The following LINGO2 variants were observed in gnomAD, a reference collection of about 807,000 sequenced individuals.
LINGO2 encodes the protein leucine-rich repeat and immunoglobulin-like domain-containing nogo receptor-interacting protein 2.
A neutral mutation model predicts 30.6 loss-of-function variants in LINGO2; 14 were observed. The observed-to-expected ratio is 0.46, with a 90% CI of 0.30 to 0.72. LINGO2 has a LOEUF of 0.72. LINGO2 is among the 30% of genes least tolerant of loss of function. LINGO2 has a pLI of 0.07. For synonymous variants in LINGO2, 317 were observed against 288.5 expected (o/e 1.10, Z -1.00); for missense variants, 729 against 751.7 (o/e 0.97, Z 0.35).
At chr9:28,768,819 A>G in the LINGO2 span, among the ~76,000 whole-genome samples, 2 of 152,292 alleles carry the variant, frequency 1.3e-5, no homozygotes, top group African/African-American at 2.4e-5. Context: ...CTTGATTCCC[A>G]TAAGCACACA....
At chr9:28,602,815 G>C (rs981561614) in intron 1 of LINGO2, among the ~76,000 whole-genome samples, 32 of 152,048 alleles carry the variant, frequency 2.1e-4, no homozygotes, top group Admixed American at 1.4e-3. Context: ...AATCCCTAGT[G>C]ACTGTACATC....
intron 1 of LINGO2, among the ~76,000 whole-genome samples, chr9:28,666,951 TTTAAA>T (rs1358789521): frequency 1.3e-5 from 2 of 152,286 alleles, no homozygotes; most frequent in East Asian, 1.9e-4. Flanking sequence ...TTAAAATCAC[TTTAAA>T]TTAAGAAAAC....
At chr9:28,226,396 A>T (rs1276603709) in intron 4 of LINGO2, among the ~76,000 whole-genome samples, 1 of 151,964 alleles carries the variant, frequency 6.6e-6, no homozygotes, top group Non-Finnish European at 1.5e-5. Context: ...AGTCTCTTAT[A>T]TATACCTCCA....
the LINGO2 span, among the ~76,000 whole-genome samples, chr9:28,772,417 C>T: frequency 6.6e-6 from 1 of 152,148 alleles, no homozygotes; most frequent in Non-Finnish European, 1.5e-5. Context: ...AATTCTGCAG[C>T]TATCCACTGA....
chr9:29,186,449 A>G, the LINGO2 span, among the ~76,000 whole-genome samples: 1 of 152,132 alleles, frequency 6.6e-6, no homozygotes, highest in African/African-American at 2.4e-5. Flanking sequence ...ACACGCTGAA[A>G]CTTAACAACC....
At chr9:28,862,765 C>G in the LINGO2 span, among the ~76,000 whole-genome samples, 1 of 152,014 alleles carries the variant, frequency 6.6e-6, no homozygotes, top group Non-Finnish European at 1.5e-5. Context: ...TTAAATAAGA[C>G]CTACGCTCTA....
At chr9:28,891,563 A>G in the LINGO2 span, among the ~76,000 whole-genome samples, 5 of 151,892 alleles carry the variant, frequency 3.3e-5, no homozygotes, top group Admixed American at 6.6e-5. Context: ...CATTATAATG[A>G]AGTCTGGTAC....
chr9:28,559,961 A>G (rs971054754), intron 1 of LINGO2, among the ~76,000 whole-genome samples: 1 of 151,986 alleles, frequency 6.6e-6, no homozygotes, highest in Non-Finnish European at 1.5e-5. Context: ...CTGTACATAG[A>G]GTAGAGGAAC....
At chr9:29,116,452 T>G in the LINGO2 span, among the ~76,000 whole-genome samples, 2 of 139,970 alleles carry the variant, frequency 1.4e-5, no homozygotes, top group African/African-American at 4.9e-5. Flanking sequence ...CTCCCTTTTA[T>G]CTTGTTTTTA....
the LINGO2 span, among the ~76,000 whole-genome samples, chr9:28,738,993 T>A: frequency 2.0e-5 from 3 of 152,034 alleles, no homozygotes; most frequent in Non-Finnish European, 2.9e-5. Context: ...TTTGTCAATT[T>A]TAATACATCC....
intron 3 of LINGO2, among the ~76,000 whole-genome samples, chr9:28,356,376 A>T (rs1364664957): frequency 1.3e-5 from 2 of 152,134 alleles, no homozygotes; most frequent in Non-Finnish European, 2.9e-5. Context: ...GTATAAACTC[A>T]ATCCTCCAAA....
chr9:28,775,955 T>C, the LINGO2 span, among the ~76,000 whole-genome samples: 2 of 152,150 alleles, frequency 1.3e-5, no homozygotes, highest in African/African-American at 2.4e-5. Context: ...AGAAGGACAT[T>C]TGAAGTGCTT....
chr9:28,052,727 G>GT (rs1289845589), intron 4 of LINGO2, among the ~76,000 whole-genome samples: 5 of 152,078 alleles, frequency 3.3e-5, no homozygotes, highest in Admixed American at 6.6e-5. Flanking sequence ...GCCCAAGAAA[G>GT]TAAAAGAATT....
rs146312960 is a variant in LINGO2, at chr9:28,242,608, C to T, written c.-87+52600G>A. The stretch of plus-strand genomic sequence containing the variant: ...AGCAAGACAGGCCAACATTCAAATT[C>T]GGGAAATACAGAGAACACCACTAAG... On this transcript the variant is annotated intron_variant, in intron 4 of 5. Coordinates refer to ENST00000379992, the Ensembl canonical transcript of LINGO2. Among the ~76,000 whole-genome samples the T allele has an allele frequency of 3.8e-3, 578 of 152,182 alleles. 4 individuals are homozygous for T. Among genetic ancestry groups the T allele is most frequent in the African/African-American group, 0.013 (543 of 41,536 alleles).
At chr9:29,104,419 T>C in the LINGO2 span, among the ~76,000 whole-genome samples, 1 of 152,042 alleles carries the variant, frequency 6.6e-6, no homozygotes, top group Non-Finnish European at 1.5e-5. Flanking sequence ...TTGCTTCTCC[T>C]TTACCTTCCA....
the LINGO2 span, among the ~76,000 whole-genome samples, chr9:28,764,235 A>T: frequency 1.3e-5 from 2 of 151,888 alleles, no homozygotes; most frequent in Admixed American, 1.3e-4. Context: ...TATCTTTAAT[A>T]AAAATAGATG....
intron 5 of LINGO2, among the ~76,000 whole-genome samples, chr9:27,987,336 T>A (rs1930009): frequency 1.3e-5 from 2 of 151,582 alleles, no homozygotes; most frequent in African/African-American, 4.8e-5. Flanking sequence ...CCTCCTTTCC[T>A]GAGACAGGTT....
At chr9:28,751,701 TTATC>T in the LINGO2 span, among the ~76,000 whole-genome samples, 10 of 152,050 alleles carry the variant, frequency 6.6e-5, no homozygotes, top group African/African-American at 2.4e-4. Flanking sequence ...ACTCATTTGT[TTATC>T]TATTTTATTG....
At chr9:28,289,182 G>T (rs1246304850) in intron 4 of LINGO2, among the ~76,000 whole-genome samples, 2 of 152,090 alleles carry the variant, frequency 1.3e-5, no homozygotes, top group African/African-American at 4.8e-5. Context: ...ATAAAATAAT[G>T]TGACTGCCAT....
Sources: gnomAD v4.1 joint callset for allele counts (sites outside exome capture counted in the v4.1 genomes callset) on GRCh38, gnomAD v4.1.1 for gene constraint, MANE v1.5 for transcripts, NCBI Gene and HGNC (gene_info 2026-07-23, HGNC 2026-07-21) for gene names.